Variants in EFCAB6 observed in about 807,000 individuals in gnomAD.
EFCAB6 encodes the protein EF-hand calcium binding domain 6.
EFCAB6 carries 156 observed loss-of-function variants against 169.8 expected under a neutral mutation model. The ratio of observed to expected loss-of-function variants is 0.92; its 90% CI spans 0.81 to 1.05. The LOEUF (loss-of-function observed/expected upper bound fraction) is 1.05, where lower values mean the gene tolerates loss of function less well. EFCAB6 is among the 50% of genes least tolerant of loss of function. The pLI, the probability that EFCAB6 is intolerant of heterozygous loss-of-function variation, is 0.00. For missense variants in EFCAB6, 1,800 were observed against 1,829.1 expected, an observed-to-expected ratio of 0.98 and a Z score of 0.29; for synonymous variants, 698 against 676.4, an observed-to-expected ratio of 1.03 and a Z score of -0.50.
chr22:43,581,012 G>A (rs766765250), intron 24 of EFCAB6, among the ~76,000 whole-genome samples: 9 of 152,312 alleles, frequency 5.9e-5, no homozygotes, highest in Admixed American at 1.3e-4. Context: ...CCTATGACGG[G>A]GGCACGTGAA....
At chr22:43,619,006 A>C (rs905130871) in intron 20 of EFCAB6, among the ~76,000 whole-genome samples, 1 of 151,982 alleles carries the variant, frequency 6.6e-6, no homozygotes, top group Non-Finnish European at 1.5e-5. Context: ...AAGATTTTCT[A>C]GCCAGAAGAC....
At chr22:43,781,426 C>T (rs1051597147) in intron 3 of EFCAB6, among the ~76,000 whole-genome samples, 2 of 152,136 alleles carry the variant, frequency 1.3e-5, no homozygotes, top group African/African-American at 4.8e-5. Flanking sequence ...AGGGCCTAAG[C>T]CATCTTCCCA....
In EFCAB6 at chr22:43,711,501, T is replaced by C. The variant is rs774107236; in HGVS notation, c.1005A>G (p.Arg335=). ...VLDTFVYQIP[R]RIFIQLMKRF... ...TTTTCATTAACTGGATAAAAATTCT[T>C]CTTGGTATTTGGTATACAAAAGTGT... The change falls in exon 10 of 32, where the codon AGA becomes AGG. Residue 335 remains arginine (R), a synonymous_variant. Transcript: ENST00000262726. The C allele has an allele frequency of 6.3e-7, 1 of 1,584,216 alleles. No homozygotes were observed. The highest frequency in any genetic ancestry group is 2.0e-5 in the Admixed American group (1 of 50,054).
chr22:43,668,980 A>G lies in EFCAB6; in HGVS notation c.1706T>C (p.Ile569Thr), dbSNP rs1282589345. 1.9e-6 allele frequency: 3 copies of G among 1,613,034 alleles called. No individual in the cohort carries two copies. The highest frequency in any genetic ancestry group is 1.7e-5 in the Admixed American group (1 of 59,872). ...GACAGTGGGTGGGCCATCAATTCCTATGCATGCCAAAAGTTTCTTGTAAAG... is the reference window on the plus strand; with the variant it reads ...GACAGTGGGTGGGCCATCAATTCCTGTGCATGCCAAAAGTTTCTTGTAAAG... ...RILYKKLLAC[I>T]GIDGPPTVSP... is the part of the protein sequence containing the mutation. The change falls in exon 16 of 32, where the codon ATA becomes ACA. Residue 569 changes from isoleucine (I) to threonine (T), a missense_variant. Transcript: ENST00000262726.
chr22:43,651,640 T>A (rs1427391990), intron 17 of EFCAB6, among the ~76,000 whole-genome samples: 1 of 152,128 alleles, frequency 6.6e-6, no homozygotes, highest in Non-Finnish European at 1.5e-5. Context: ...TGGACCATGC[T>A]CCTGGAAAAG....
intron 17 of EFCAB6, among the ~76,000 whole-genome samples, chr22:43,645,314 T>A (rs1484218123): frequency 6.6e-6 from 1 of 152,224 alleles, no homozygotes; most frequent in Non-Finnish European, 1.5e-5. Context: ...TTAAAGTGCA[T>A]GTCATTTCTT....
At chr22:43,579,980 G>A (rs941234509) in intron 25 of EFCAB6, among the ~76,000 whole-genome samples, 2 of 152,090 alleles carry the variant, frequency 1.3e-5, no homozygotes, top group South Asian at 2.1e-4. Context: ...GCATCATTCC[G>A]TACACCGTCT....
At chr22:43,784,565 A>G (rs1310633567) in intron 2 of EFCAB6, among the ~76,000 whole-genome samples, 3 of 79,452 alleles carry the variant, frequency 3.8e-5, no homozygotes, top group African/African-American at 1.1e-4. Flanking sequence ...ATACACATAT[A>G]TATGTGTACA....
chr22:43,793,068 C>T (rs4823142), intron 2 of EFCAB6, among the ~76,000 whole-genome samples: 91,095 of 152,000 alleles, frequency 0.6, 27,422 homozygotes, highest in Admixed American at 0.67. Flanking sequence ...GGCCTCATGC[C>T]TTATTACACC....
At chr22:43,687,427 G>A in intron 11 of EFCAB6, 44 bp downstream of exon 11, 3 of 1,100,226 alleles carry the variant, frequency 2.7e-6, no homozygotes, top group East Asian at 5.4e-5. Context: ...TACATATTAT[G>A]ATATGTGTAA....
chr22:43,799,020 C>T (rs2062609078), intron 2 of EFCAB6, among the ~76,000 whole-genome samples: 1 of 152,212 alleles, frequency 6.6e-6, no homozygotes, highest in African/African-American at 2.4e-5. Context: ...ATGGTACTCC[C>T]TTGATAAAAA....
intron 8 of EFCAB6, among the ~76,000 whole-genome samples, chr22:43,723,184 T>C (rs1035963680): frequency 6.6e-6 from 1 of 152,210 alleles, no homozygotes; most frequent in African/African-American, 2.4e-5. Context: ...TTGTTTCTTA[T>C]GGATGAGCAA....
At position 43,633,353 on chromosome 22, in the gene EFCAB6, T is replaced by G. The variant is rs1363658490; in HGVS notation, c.2099-1115A>C. 2.6e-5 allele frequency among the ~76,000 whole-genome samples: 4 copies of G among 152,134 alleles called. 1 individual carries two copies. Among genetic ancestry groups the G allele is most frequent in the South Asian group, 4.1e-4 (2 of 4,820 alleles). On this transcript the variant is annotated intron_variant, in intron 18 of 31. Coordinates refer to ENST00000262726, the MANE Select transcript of EFCAB6 (RefSeq NM_022785.4). ...TCACAAGGTCAAGAGATCGAGACCA[T>G]CCTGGCCAACATGGTGAAACCCCAT...
intron 26 of EFCAB6, among the ~76,000 whole-genome samples, chr22:43,559,045 T>C (rs1457158379): frequency 9.9e-5 from 15 of 152,114 alleles, no homozygotes; most frequent in African/African-American, 3.6e-4. Flanking sequence ...AGCTTCTGCA[T>C]AGCAAAATAA....
At chr22:43,689,349 G>GCGCACACACACA (rs1556091576) in intron 10 of EFCAB6, among the ~76,000 whole-genome samples, 5 of 146,962 alleles carry the variant, frequency 3.4e-5, no homozygotes, top group African/African-American at 1.0e-4. Context: ...GAGAGCACGT[G>GCGCACACACACA]CACACACACA....
intron 2 of EFCAB6, among the ~76,000 whole-genome samples, chr22:43,804,857 T>C (rs2062859913): frequency 6.6e-6 from 1 of 150,590 alleles, no homozygotes; most frequent in African/African-American, 2.4e-5. Context: ...TTTGAAAAGA[T>C]AAAGTCAACA....
chr22:43,766,104 C>T (rs1432341700), intron 4 of EFCAB6, among the ~76,000 whole-genome samples: 1 of 152,082 alleles, frequency 6.6e-6, no homozygotes, highest in African/African-American at 2.4e-5. Flanking sequence ...CACAGAATCT[C>T]GGCCCACTGC....
At chr22:43,598,310 G>GAA (rs1402967848) in intron 23 of EFCAB6, among the ~76,000 whole-genome samples, 1,300 of 57,618 alleles carry the variant, frequency 0.023, 425 homozygotes, top group African/African-American at 0.03. Context: ...ACTGTCTCCG[G>GAA]GAAAAAAAAA....
At chr22:43,580,271 A>G (rs1462338210) in intron 25 of EFCAB6, among the ~76,000 whole-genome samples, 193 bp downstream of exon 25, 2 of 151,746 alleles carry the variant, frequency 1.3e-5, no homozygotes, top group African/African-American at 2.4e-5. Flanking sequence ...AATGCTGAGC[A>G]CTCCCACCTC....
Sources: allele counts gnomAD v4.1 joint callset (sites outside exome capture counted in the v4.1 genomes callset), GRCh38; gene constraint gnomAD v4.1.1; transcripts MANE v1.5; gene names NCBI Gene and HGNC (gene_info 2026-07-23, HGNC 2026-07-21).